The following SGCZ variants were observed in gnomAD, a reference collection of about 807,000 sequenced individuals.
The protein encoded by SGCZ is sarcoglycan zeta.
SGCZ carries 40 observed loss-of-function variants against 41.3 expected under a neutral mutation model. The observed-to-expected ratio is 0.97, with a 90% confidence interval of 0.75 to 1.26. The LOEUF (loss-of-function observed/expected upper bound fraction) is 1.26, where lower values mean the gene tolerates loss of function less well. SGCZ is among the 50% of genes most tolerant of loss of function. The pLI, the probability that SGCZ is intolerant of heterozygous loss-of-function variation, is 0.00. For synonymous variants in SGCZ, 206 were observed against 137.5 expected, an observed-to-expected ratio of 1.50 and a Z score of -3.49; for missense variants, 552 against 369.8, an observed-to-expected ratio of 1.49 and a Z score of -4.04.
chr8:15,224,842 A>T (rs1357869703), intron 1 of SGCZ, among the ~76,000 whole-genome samples: 1 of 152,198 alleles, frequency 6.6e-6, no homozygotes, highest in Non-Finnish European at 1.5e-5. Flanking sequence ...ACTTTATGGC[A>T]GACATCATTA....
At chr8:14,561,358 T>C (rs1804202641) in intron 1 of SGCZ, among the ~76,000 whole-genome samples, 1 of 152,180 alleles carries the variant, frequency 6.6e-6, no homozygotes, top group Non-Finnish European at 1.5e-5. Flanking sequence ...GAGGTACTGA[T>C]TTTCTCAGAA....
intron 1 of SGCZ, among the ~76,000 whole-genome samples, chr8:14,651,226 C>T (rs575431547): frequency 1.1e-4 from 17 of 152,064 alleles, no homozygotes; most frequent in African/African-American, 4.1e-4. Flanking sequence ...GTAGATTGCT[C>T]CTAAAAATTT....
intron 2 of SGCZ, among the ~76,000 whole-genome samples, chr8:14,479,768 G>T (rs1801480804): frequency 1.3e-5 from 1 of 79,794 alleles, no homozygotes; most frequent in Non-Finnish European, 2.3e-5. Context: ...TTTTATTTGA[G>T]ATGGAGTTTA....
At chr8:14,213,466 A>T (rs566999835) in intron 4 of SGCZ, among the ~76,000 whole-genome samples, 14 of 152,274 alleles carry the variant, frequency 9.2e-5, no homozygotes, top group African/African-American at 3.4e-4. Flanking sequence ...ATCCTTCAGG[A>T]ACTAAAGGAA....
intron 2 of SGCZ, among the ~76,000 whole-genome samples, chr8:14,528,838 C>T (rs7820047): frequency 2.1e-5 from 3 of 142,006 alleles, no homozygotes; most frequent in South Asian, 2.2e-4. Context: ...AAAAAAAAAA[C>T]AAAACAAAAA....
At chr8:14,476,887 G>A (rs1264382013) in intron 2 of SGCZ, among the ~76,000 whole-genome samples, 3 of 152,112 alleles carry the variant, frequency 2.0e-5, no homozygotes, top group Non-Finnish European at 4.4e-5. Context: ...GAAAGAGACA[G>A]ACATTCATGT....
intron 7 of SGCZ, among the ~76,000 whole-genome samples, chr8:14,100,848 A>C (rs1163870716): frequency 6.6e-6 from 1 of 151,956 alleles, no homozygotes; most frequent in Non-Finnish European, 1.5e-5. Flanking sequence ...ATACTCCAGA[A>C]CATGCCTCTC....
chr8:14,168,313 T>G (rs1585196376), intron 4 of SGCZ, among the ~76,000 whole-genome samples: 1 of 151,864 alleles, frequency 6.6e-6, no homozygotes, highest in South Asian at 2.1e-4. Context: ...CAAAATAAGC[T>G]GCTTTCATGA....
intron 2 of SGCZ, among the ~76,000 whole-genome samples, chr8:14,331,056 T>G (rs994447192): frequency 6.6e-6 from 1 of 151,714 alleles, no homozygotes; most frequent in African/African-American, 2.4e-5. Context: ...TTATTTTGAA[T>G]ATCTAAAGAT....
chr8:14,384,766 G>C (rs530007623), intron 2 of SGCZ, among the ~76,000 whole-genome samples: 4 of 152,104 alleles, frequency 2.6e-5, no homozygotes, highest in Admixed American at 2.6e-4. Context: ...GGCCGGGCTG[G>C]TCTTGAACTC....
chr8:14,747,866 C>A (rs1275443402), intron 1 of SGCZ, among the ~76,000 whole-genome samples: 2 of 147,222 alleles, frequency 1.4e-5, no homozygotes, highest in South Asian at 2.2e-4. Flanking sequence ...GCACCCACCA[C>A]CACAACTGAC....
intron 1 of SGCZ, among the ~76,000 whole-genome samples, chr8:14,955,978 G>C (rs1177153168): frequency 6.6e-6 from 1 of 150,798 alleles, no homozygotes; most frequent in African/African-American, 2.4e-5. Flanking sequence ...TTTCACATTT[G>C]GGATTTTAAT....
intron 1 of SGCZ, among the ~76,000 whole-genome samples, chr8:14,587,036 A>AG (rs1805081515): frequency 1.3e-5 from 2 of 152,014 alleles, no homozygotes; most frequent in South Asian, 4.2e-4. Context: ...TTAAAAAAAA[A>AG]ACAAAATAAA....
At chr8:15,231,992 A>T (rs188524569) in intron 1 of SGCZ, among the ~76,000 whole-genome samples, 1 of 152,240 alleles carries the variant, frequency 6.6e-6, no homozygotes, top group East Asian at 1.9e-4. Flanking sequence ...TAAGAATTTT[A>T]TCACAAACCA....
At chr8:14,492,554 T>A (rs1026499360) in intron 2 of SGCZ, among the ~76,000 whole-genome samples, 6 of 152,164 alleles carry the variant, frequency 3.9e-5, no homozygotes, top group African/African-American at 1.2e-4. Flanking sequence ...AGCACAAGAT[T>A]TACGAAGAAA....
At chr8:14,298,131 G>A (rs1311838085) in intron 3 of SGCZ, among the ~76,000 whole-genome samples, 1 of 151,850 alleles carries the variant, frequency 6.6e-6, no homozygotes, top group Non-Finnish European at 1.5e-5. Flanking sequence ...AATAGATACA[G>A]AAAGATAATT....
intron 2 of SGCZ, among the ~76,000 whole-genome samples, chr8:14,420,291 A>G (rs561199978): frequency 2.0e-4 from 31 of 152,166 alleles, no homozygotes; most frequent in African/African-American, 7.5e-4. Flanking sequence ...CTTTGCAGCC[A>G]CATTTTATAT....
chr8:14,204,318 C>T (rs1805550603), intron 4 of SGCZ, among the ~76,000 whole-genome samples: 1 of 149,246 alleles, frequency 6.7e-6, no homozygotes, highest in African/African-American at 2.5e-5. Flanking sequence ...ACACCCATGT[C>T]TCCCCTTTAT....
At chr8:14,456,016 C>T (rs1313774152) in intron 2 of SGCZ, among the ~76,000 whole-genome samples, 3 of 152,148 alleles carry the variant, frequency 2.0e-5, no homozygotes, top group Non-Finnish European at 4.4e-5. Context: ...TAAATGGCTA[C>T]AAGGCCATTT....
Sources: gnomAD v4.1 joint callset for allele counts (sites outside exome capture counted in the v4.1 genomes callset) on GRCh38, gnomAD v4.1.1 for gene constraint, MANE v1.5 for transcripts, NCBI Gene and HGNC (gene_info 2026-07-23, HGNC 2026-07-21) for gene names.